Variants in FUT8 observed in about 807,000 individuals in gnomAD.
The protein encoded by FUT8 is fucosyltransferase 8.
A neutral mutation model predicts 71.3 loss-of-function variants in FUT8; 29 were observed. The observed-to-expected ratio is 0.41, with a 90% CI of 0.30 to 0.55. The LOEUF (loss-of-function observed/expected upper bound fraction) is 0.55, where lower values mean the gene tolerates loss of function less well. FUT8 is among the 20% of genes least tolerant of loss of function. The pLI, the probability that FUT8 is intolerant of heterozygous loss-of-function variation, is 0.34. For synonymous variants in FUT8, 254 were observed against 239.3 expected, an observed-to-expected ratio of 1.06 and a Z score of -0.57; for missense variants, 544 against 702.1, an observed-to-expected ratio of 0.77 and a Z score of 2.55.
At chr14:65,634,276 G>T (rs559107031) in intron 6 of FUT8, among the ~76,000 whole-genome samples, 214 of 152,124 alleles carry the variant, frequency 1.4e-3, no homozygotes, top group Non-Finnish European at 2.4e-3. Context: ...CCAACCCTGT[G>T]CTCTCTGAAA....
intron 1 of FUT8, among the ~76,000 whole-genome samples, chr14:65,434,129 T>C (rs907509518): frequency 6.6e-6 from 1 of 152,172 alleles, no homozygotes; most frequent in African/African-American, 2.4e-5. Flanking sequence ...GATTTTAAAA[T>C]GGGAAGCATT....
In FUT8 at chr14:65,587,237, T is replaced by C. The variant is rs1321681548; in HGVS notation, c.203+25471T>C. The stretch of plus-strand genomic sequence containing the variant: ...CTAATTTTTACAAAAATAGGAAATA[T>C]TTGTATATTTAGGAAAACGTTATTC... On this transcript the variant is annotated intron_variant, in intron 3 of 10. Coordinates refer to ENST00000673929, the MANE Select transcript of FUT8 (RefSeq NM_001371533.1). Among the ~76,000 whole-genome samples, 5 of 151,584 alleles carry C rather than the reference T, an allele frequency of 3.3e-5. No individual in the cohort carries two copies. The East Asian group carries it at 9.7e-4, about 29-fold the overall frequency.
intron 3 of FUT8, among the ~76,000 whole-genome samples, chr14:65,572,572 C>G (rs1046046901): frequency 2.0e-5 from 3 of 151,786 alleles, no homozygotes; most frequent in Non-Finnish European, 4.4e-5. Flanking sequence ...TCCTTTTTTG[C>G]CTAACACCCT....
intron 7 of FUT8, among the ~76,000 whole-genome samples, chr14:65,672,542 C>T (rs1050303017): frequency 6.6e-6 from 1 of 152,158 alleles, no homozygotes; most frequent in African/African-American, 2.4e-5. Context: ...TCACTGCAGC[C>T]TCGAACTCCT....
At chr14:65,444,227 G>A (rs1244844291) in intron 1 of FUT8, among the ~76,000 whole-genome samples, 1 of 152,144 alleles carries the variant, frequency 6.6e-6, no homozygotes, top group African/African-American at 2.4e-5. Context: ...AGTAGGAAAT[G>A]CAAGTAGAAA....
At chr14:65,707,407 G>T (rs1353668135) in intron 7 of FUT8, among the ~76,000 whole-genome samples, 1 of 152,044 alleles carries the variant, frequency 6.6e-6, no homozygotes. Context: ...TTAGCCCTTT[G>T]TTGGGTGTAT....
At position 65,638,110 on chromosome 14, in the gene FUT8, G is replaced by A. The variant is rs1041887166; in HGVS notation, c.597+8504G>A. On this transcript the variant is annotated intron_variant, in intron 6 of 10. Transcript: ENST00000673929. This position sits in a 1 kb window ranked among gnomAD's most constrained non-coding sequence, Gnocchi z 4.5. ...AACACCCTGGCACAAGGTGAAGTTC[G>A]TAACCACATTTCTTCTGGTTAGCTG... 2.0e-5 allele frequency among the ~76,000 whole-genome samples: 3 copies of A among 152,202 alleles called. No homozygotes were observed. The highest frequency in any genetic ancestry group is 6.5e-5 in the Admixed American group (1 of 15,288).
intron 7 of FUT8, among the ~76,000 whole-genome samples, chr14:65,716,132 T>G (rs1042753388): frequency 6.6e-6 from 1 of 152,184 alleles, no homozygotes; most frequent in African/African-American, 2.4e-5. Flanking sequence ...CTATAAGTAT[T>G]TATTAGGTCC....
At chr14:65,634,885 G>C (rs1300573250) in intron 6 of FUT8, among the ~76,000 whole-genome samples, 1 of 152,148 alleles carries the variant, frequency 6.6e-6, no homozygotes. Context: ...GCGGTATTTT[G>C]ATGGGGATTG....
intron 3 of FUT8, among the ~76,000 whole-genome samples, chr14:65,606,330 G>C (rs1267940338): frequency 6.6e-6 from 1 of 151,382 alleles, no homozygotes; most frequent in Non-Finnish European, 1.5e-5. Flanking sequence ...ACCTGCCTCA[G>C]CCTCCCGAAG....
intron 2 of FUT8, among the ~76,000 whole-genome samples, chr14:65,456,242 C>T (rs1206710018): frequency 6.6e-6 from 1 of 152,152 alleles, no homozygotes; most frequent in African/African-American, 2.4e-5. Flanking sequence ...TTGTAGTTAA[C>T]CTCTCCTTAT....
At chr14:65,379,628 A>C in the FUT8 span, among the ~76,000 whole-genome samples, 2 of 152,194 alleles carry the variant, frequency 1.3e-5, no homozygotes, top group African/African-American at 4.8e-5. Context: ...TCCAGTCTCC[A>C]CAGCACTGCA....
chr14:65,733,661 A>G (rs1423861434), intron 10 of FUT8, among the ~76,000 whole-genome samples: 1 of 152,196 alleles, frequency 6.6e-6, no homozygotes, highest in African/African-American at 2.4e-5. Flanking sequence ...TGTTCACAGC[A>G]TTTAACAGAA....
In FUT8 at chr14:65,630,067, G is replaced by C. The variant is rs117808824; in HGVS notation, c.597+461G>C. Among the ~76,000 whole-genome samples, 507 of 152,216 alleles carry C rather than the reference G, an allele frequency of 3.3e-3. 2 individuals are homozygous for C. Among genetic ancestry groups the C allele is most frequent in the Non-Finnish European group, 6.0e-3 (406 of 68,000 alleles). ...GAGGTTATCAGCTAAGCAGTGGCTC[G>C]TAACTGGGAAAGAACAGTACAGGAA... is the stretch of plus-strand genomic sequence containing the variant. On this transcript the variant is annotated intron_variant, in intron 6 of 10. Transcript: ENST00000673929.
chr14:65,707,273 A>G (rs1270327581), intron 7 of FUT8, among the ~76,000 whole-genome samples: 1 of 152,056 alleles, frequency 6.6e-6, no homozygotes, highest in Non-Finnish European at 1.5e-5. Flanking sequence ...ATTTTTTTCC[A>G]TCTATCTGTT....
In FUT8 at chr14:65,474,441, G is replaced by GGAAAAAAAAAAAAAAAAAAAAA. The variant is rs2066199474; in HGVS notation, c.-228+18723_-228+18724insGAAAAAAAAAAAAAAAAAAAAA. ...AACATGGTGAAAACCTGTCTCTACT[G>GGAAAAAAAAAAAAAAAAAAAAA]AAAAAAAAAAAAAAAAGCCAGGCGT... On this transcript the variant is annotated intron_variant, in intron 2 of 10. Transcript: ENST00000673929. 1.0e-4 allele frequency among the ~76,000 whole-genome samples: 4 copies of GGAAAAAAAAAAAAAAAAAAAAA among 39,692 alleles called. 1 individual carries two copies. Among genetic ancestry groups the GGAAAAAAAAAAAAAAAAAAAAA allele is most frequent in the South Asian group, 1.4e-3 (1 of 710 alleles). The allele number at this position is 39,692 out of a possible 152,430, so 26.0% of individuals were successfully genotyped here. A position where few individuals can be genotyped will look rare whatever the true frequency, so the allele number is the denominator to read the frequency against.
At chr14:65,716,236 A>G (rs888559206) in intron 7 of FUT8, among the ~76,000 whole-genome samples, 3 of 152,084 alleles carry the variant, frequency 2.0e-5, no homozygotes, top group African/African-American at 7.2e-5. Flanking sequence ...TCCAGCTATT[A>G]TTATATTGGG....
At chr14:65,541,182 G>A (rs1884658957) in intron 2 of FUT8, among the ~76,000 whole-genome samples, 1 of 152,160 alleles carries the variant, frequency 6.6e-6, no homozygotes, top group African/African-American at 2.4e-5. Context: ...GAGAGGTTGA[G>A]CCTTTACAAC....
intron 3 of FUT8, among the ~76,000 whole-genome samples, chr14:65,611,217 GCGCGCGCACACACACACACACACACACA>G (rs1888925928): frequency 2.2e-3 from 7 of 3,178 alleles, no homozygotes; most frequent in Non-Finnish European, 6.2e-3. Context: ...GCGCGCGCGC[GCGCGCGCACACACACACACACACACACA>G]CACACACACA....
Sources: gnomAD v4.1 joint callset for allele counts (sites outside exome capture counted in the v4.1 genomes callset) on GRCh38, gnomAD v4.1.1 for gene constraint, Gnocchi (gnomAD v3.1) non-coding constraint, MANE v1.5 for transcripts, NCBI Gene and HGNC (gene_info 2026-07-23, HGNC 2026-07-21) for gene names.